Variants in TMEM45B observed in about 807,000 individuals in gnomAD.
TMEM45B encodes transmembrane protein 45B.
A neutral mutation model predicts 27.3 loss-of-function variants in TMEM45B; 29 were observed. The ratio of observed to expected loss-of-function variants is 1.06; its 90% CI spans 0.79 to 1.45. The LOEUF is 1.45. TMEM45B is among the 40% of genes most tolerant of loss of function. The pLI, the probability that TMEM45B is intolerant of heterozygous loss-of-function variation, is 0.00. For synonymous variants in TMEM45B, 143 were observed against 134.7 expected, an observed-to-expected ratio of 1.06 and a Z score of -0.43; for missense variants, 348 against 343.9, an observed-to-expected ratio of 1.01 and a Z score of -0.09.
At chr11:129,819,723 T>G (rs1365771479) in intron 1 of TMEM45B, among the ~76,000 whole-genome samples, 1 of 151,870 alleles carries the variant, frequency 6.6e-6, no homozygotes, top group Non-Finnish European at 1.5e-5. Context: ...GCCCAGCTAA[T>G]TTTTGTATTT....
chr11:129,841,030 T>C (rs1276988556), intron 1 of TMEM45B, among the ~76,000 whole-genome samples: 1 of 147,758 alleles, frequency 6.8e-6, no homozygotes. Context: ...AACCAAGCAT[T>C]TCAGGGAACT....
intron 4 of TMEM45B, among the ~76,000 whole-genome samples, chr11:129,856,167 G>A (rs1461807836): frequency 6.6e-6 from 1 of 152,186 alleles, no homozygotes; most frequent in Non-Finnish European, 1.5e-5. Context: ...GCCTTTCACA[G>A]GCTCTGCTTG....
At chr11:129,853,312 G>C (rs981910711) in intron 2 of TMEM45B, among the ~76,000 whole-genome samples, 1 of 152,220 alleles carries the variant, frequency 6.6e-6, no homozygotes, top group Non-Finnish European at 1.5e-5. Context: ...TCTTCCTCAG[G>C]ACCAGCCCCA....
chr11:129,831,036 A>G (rs1392961814), intron 1 of TMEM45B, among the ~76,000 whole-genome samples: 1 of 152,178 alleles, frequency 6.6e-6, no homozygotes, highest in Non-Finnish European at 1.5e-5. Flanking sequence ...CCTTATATAC[A>G]CTATATTTTT....
chr11:129,849,191 A>C lies in TMEM45B; in HGVS notation c.-8-3284A>C, dbSNP rs546725663. On this transcript the variant is annotated intron_variant, in intron 1 of 5. Coordinates refer to ENST00000281441, the MANE Select transcript of TMEM45B (RefSeq NM_138788.5). ...GAGAGACTCATTCACTTTGAGATAA[A>C]TTTCATCCTGAGGCAAATTTCTCTC... is the stretch of plus-strand genomic sequence containing the variant. Among the ~76,000 whole-genome samples the C allele has an allele frequency of 3.9e-5, 6 of 152,324 alleles. No homozygotes were observed. In the South Asian group the frequency reaches 1.2e-3, roughly 32 times the overall value.
intron 1 of TMEM45B, among the ~76,000 whole-genome samples, chr11:129,816,542 G>T (rs991363573): frequency 6.6e-6 from 1 of 152,060 alleles, no homozygotes; most frequent in Non-Finnish European, 1.5e-5. Context: ...GATGTCAGGC[G>T]CAGTGGGGGA....
intron 1 of TMEM45B, among the ~76,000 whole-genome samples, chr11:129,835,098 G>A (rs191853736): frequency 1.4e-4 from 21 of 152,306 alleles, no homozygotes; most frequent in African/African-American, 4.6e-4. Flanking sequence ...ACTGAAGGTG[G>A]CCTGATTTCT....
intron 1 of TMEM45B, among the ~76,000 whole-genome samples, chr11:129,834,673 T>G (rs1257567066): frequency 2.0e-5 from 3 of 150,018 alleles, no homozygotes; most frequent in African/African-American, 7.6e-5. Flanking sequence ...TAGCCAGGTG[T>G]GGTGGCATGC....
At chr11:129,856,925 T>G (rs1432232155) in intron 4 of TMEM45B, among the ~76,000 whole-genome samples, 2 of 150,448 alleles carry the variant, frequency 1.3e-5, no homozygotes, top group Admixed American at 6.6e-5. Flanking sequence ...TGATCTCGGC[T>G]CACTGCAACC....
At chr11:129,853,198 C>G (rs1424984017) in intron 2 of TMEM45B, among the ~76,000 whole-genome samples, 2 of 152,164 alleles carry the variant, frequency 1.3e-5, no homozygotes, top group Non-Finnish European at 2.9e-5. Flanking sequence ...TTCCTTCACT[C>G]TGCCCCATTC....
intron 1 of TMEM45B, among the ~76,000 whole-genome samples, chr11:129,852,213 C>T (rs1363282972): frequency 2.0e-5 from 3 of 151,758 alleles, no homozygotes; most frequent in African/African-American, 4.8e-5. Context: ...TATTACCTAT[C>T]CTCCTCTTTC....
intron 1 of TMEM45B, among the ~76,000 whole-genome samples, chr11:129,842,131 CAG>C (rs778273605): frequency 2.0e-5 from 3 of 152,012 alleles, no homozygotes; most frequent in Non-Finnish European, 4.4e-5. Context: ...ATTCGAAAAA[CAG>C]AAAGAAAAAT....
At chr11:129,832,458 C>A (rs905175493) in intron 1 of TMEM45B, among the ~76,000 whole-genome samples, 1 of 151,924 alleles carries the variant, frequency 6.6e-6, no homozygotes, top group African/African-American at 2.4e-5. Context: ...GAGGCTGCCT[C>A]TTGTATGATT....
At chr11:129,822,044 C>T (rs1463465392) in intron 1 of TMEM45B, among the ~76,000 whole-genome samples, 1 of 152,088 alleles carries the variant, frequency 6.6e-6, no homozygotes, top group Non-Finnish European at 1.5e-5. Flanking sequence ...TTGGATCTGT[C>T]TTGTAATTTT....
At chr11:129,816,156 T>C (rs918238812) in intron 1 of TMEM45B, among the ~76,000 whole-genome samples, 1 of 151,966 alleles carries the variant, frequency 6.6e-6, no homozygotes, top group Non-Finnish European at 1.5e-5. Context: ...GTGCGCACAC[T>C]ACTCCCACCG....
rs566402912 is a variant in TMEM45B, at chr11:129,827,594, G to A, written c.-9+11696G>A. On this transcript the variant is annotated intron_variant, in intron 1 of 5. Transcript: ENST00000281441. ...GGAGGCAGGCAGATCACGTGAGGTC[G>A]GGAGTTTGAGACCAGCCTGACCAAC... is the stretch of plus-strand genomic sequence containing the variant. Among the ~76,000 whole-genome samples, 491 of 152,178 alleles carry A rather than the reference G, an allele frequency of 3.2e-3. 1 individual carries two copies. Among genetic ancestry groups the A allele is most frequent in the Non-Finnish European group, 5.4e-3 (364 of 68,016 alleles).
intron 1 of TMEM45B, among the ~76,000 whole-genome samples, chr11:129,826,711 C>CTTT (rs199652269): frequency 4.4e-5 from 6 of 135,446 alleles, no homozygotes; most frequent in African/African-American, 1.1e-4. Context: ...ATTTGTTTTT[C>CTTT]TTTTTTTTTT....
intron 1 of TMEM45B, among the ~76,000 whole-genome samples, chr11:129,817,925 T>C (rs1238448971): frequency 6.6e-6 from 1 of 152,232 alleles, no homozygotes; most frequent in Non-Finnish European, 1.5e-5. Context: ...GTCCTTGCTA[T>C]TGCAAAACTT....
chr11:129,858,715 C>T lies in TMEM45B; in HGVS notation c.*30C>T, dbSNP rs766617307. ...AGATGCGGAGGGCGCAGATGTCCCA[C>T]TGCACAGCTGGAATGAATGGAGTTC... On this transcript the variant is annotated 3_prime_UTR_variant, in exon 6 of 6. Coordinates refer to ENST00000281441, the MANE Select transcript of TMEM45B (RefSeq NM_138788.5). 4.1e-6 allele frequency: 6 copies of T among 1,479,900 alleles called. No individual in the cohort carries two copies. The highest frequency in any genetic ancestry group is 5.5e-6 in the Non-Finnish European group (6 of 1,083,262). 91.7% of individuals were successfully genotyped at this position (1,479,900 alleles called of 1,614,324 possible).
Sources: allele counts gnomAD v4.1 joint callset (sites outside exome capture counted in the v4.1 genomes callset), GRCh38; gene constraint gnomAD v4.1.1; transcripts MANE v1.5; gene names NCBI Gene and HGNC (gene_info 2026-07-23, HGNC 2026-07-21).